Variants in DLGAP1 observed in about 807,000 individuals in gnomAD.
The protein encoded by DLGAP1 is DLG associated protein 1.
DLGAP1 carries 11 observed loss-of-function variants against 90.8 expected under a neutral mutation model. The observed-to-expected ratio is 0.12, with a 90% CI of 0.08 to 0.20. DLGAP1 has a LOEUF of 0.20. Ranked by LOEUF, DLGAP1 falls within the 10% of genes least tolerant of loss-of-function variation. The probability of loss-of-function intolerance (pLI) is 1.00; values close to 1 mark genes in which losing one functional copy is unlikely to be tolerated. For missense variants in DLGAP1, 1,050 were observed against 1,333.8 expected (o/e 0.79, Z 3.31); for synonymous variants, 558 against 540.7 (o/e 1.03, Z -0.44).
chr18:3,991,413 C>A (rs4420626), intron 3 of DLGAP1, among the ~76,000 whole-genome samples: 52,313 of 152,062 alleles, frequency 0.34, 9,138 homozygotes, highest in East Asian at 0.5. Context: ...GAGTCCAAAC[C>A]TTATGCTAAT....
intron 1 of DLGAP1, among the ~76,000 whole-genome samples, chr18:4,368,136 T>C (rs2081820926): frequency 6.6e-6 from 1 of 152,186 alleles, no homozygotes; most frequent in African/African-American, 2.4e-5. Flanking sequence ...GTTTTAAGGA[T>C]AGTCAATCAG....
At chr18:4,420,295 T>C (rs1280616373) in intron 1 of DLGAP1, among the ~76,000 whole-genome samples, 1 of 152,162 alleles carries the variant, frequency 6.6e-6, no homozygotes, top group Non-Finnish European at 1.5e-5. Context: ...AGTAAGGATA[T>C]AGAACACCCG....
chr18:4,234,609 C>T (rs28728299), intron 1 of DLGAP1, among the ~76,000 whole-genome samples: 581 of 152,192 alleles, frequency 3.8e-3, no homozygotes, highest in African/African-American at 0.012. Context: ...ATAATACAGG[C>T]CTTTTGTTCT....
chr18:3,998,855 T>C (rs1382572887), intron 3 of DLGAP1, among the ~76,000 whole-genome samples: 3 of 152,182 alleles, frequency 2.0e-5, no homozygotes, highest in Non-Finnish European at 4.4e-5. Context: ...TTTGTCATTA[T>C]GATAACATTC....
intron 2 of DLGAP1, among the ~76,000 whole-genome samples, chr18:4,102,452 A>G (rs1346077498): frequency 4.6e-5 from 7 of 152,194 alleles, no homozygotes; most frequent in Non-Finnish European, 1.0e-4. Flanking sequence ...GCTGAGACAG[A>G]AATGATCTCT....
intron 1 of DLGAP1, among the ~76,000 whole-genome samples, chr18:4,446,863 G>C (rs1285405137): frequency 6.6e-6 from 1 of 152,114 alleles, no homozygotes; most frequent in African/African-American, 2.4e-5. Context: ...AGAAGTAGGA[G>C]AGTGGGGAAC....
chr18:4,173,060 A>T (rs557172356), intron 1 of DLGAP1, among the ~76,000 whole-genome samples: 14 of 152,362 alleles, frequency 9.2e-5, no homozygotes, highest in African/African-American at 2.6e-4. Flanking sequence ...ATTTGAGAGA[A>T]AGATTTACTG....
chr18:3,508,262 A>G (rs966811015), intron 11 of DLGAP1, among the ~76,000 whole-genome samples: 2 of 152,224 alleles, frequency 1.3e-5, no homozygotes, highest in African/African-American at 4.8e-5. Flanking sequence ...TCATATTTTG[A>G]TAAGAACAAT....
chr18:3,577,254 G>A (rs1169807768), intron 8 of DLGAP1, among the ~76,000 whole-genome samples: 4 of 152,126 alleles, frequency 2.6e-5, no homozygotes, highest in Non-Finnish European at 4.4e-5. Flanking sequence ...GTCTGAGCAC[G>A]GGCTACCCCA....
intron 7 of DLGAP1, among the ~76,000 whole-genome samples, chr18:3,583,195 TTCC>T (rs1341170912): frequency 6.8e-6 from 1 of 147,576 alleles, no homozygotes; most frequent in Non-Finnish European, 1.5e-5. Flanking sequence ...CCTTCCTTCC[TTCC>T]TTCCTTCCTT....
At chr18:3,616,104 C>T (rs767594288) in intron 7 of DLGAP1, among the ~76,000 whole-genome samples, 3 of 152,130 alleles carry the variant, frequency 2.0e-5, no homozygotes, top group African/African-American at 4.8e-5. Flanking sequence ...GTAATTTGTA[C>T]GTGGGATTAT....
chr18:4,315,708 T>C (rs983537631), intron 1 of DLGAP1, among the ~76,000 whole-genome samples: 2 of 152,238 alleles, frequency 1.3e-5, no homozygotes, highest in Non-Finnish European at 2.9e-5. Context: ...AGGTATCAGA[T>C]ATTTTAAAGA....
chr18:4,413,826 C>T (rs2082834278), intron 1 of DLGAP1, among the ~76,000 whole-genome samples: 1 of 152,134 alleles, frequency 6.6e-6, no homozygotes, highest in Non-Finnish European at 1.5e-5. Flanking sequence ...TCTGAAAATT[C>T]ATCAAGCTGG....
At chr18:3,506,301 G>T (rs1429553392) in intron 11 of DLGAP1, among the ~76,000 whole-genome samples, 1 of 151,406 alleles carries the variant, frequency 6.6e-6, no homozygotes, top group Admixed American at 6.6e-5. Flanking sequence ...ATCACCTGAG[G>T]TCAGGAGTCC....
chr18:4,405,934 T>C (rs1030295744), intron 1 of DLGAP1, among the ~76,000 whole-genome samples: 1 of 152,160 alleles, frequency 6.6e-6, no homozygotes, highest in Admixed American at 6.5e-5. Context: ...CACAGATCTA[T>C]TGATGTGAAA....
At chr18:4,045,614 C>CA (rs1257886184) in intron 2 of DLGAP1, among the ~76,000 whole-genome samples, 1 of 151,256 alleles carries the variant, frequency 6.6e-6, no homozygotes, top group Non-Finnish European at 1.5e-5. Context: ...AACAAACAAA[C>CA]AAACAAAAAA....
intron 1 of DLGAP1, among the ~76,000 whole-genome samples, chr18:4,187,989 C>T (rs1238523255): frequency 1.3e-5 from 2 of 151,782 alleles, no homozygotes; most frequent in Admixed American, 6.6e-5. Flanking sequence ...CAGAGTGAGA[C>T]CCTGTCTCAA....
chr18:3,578,598 G>A (rs1432690012), intron 8 of DLGAP1, among the ~76,000 whole-genome samples: 1 of 151,416 alleles, frequency 6.6e-6, no homozygotes, highest in African/African-American at 2.4e-5. Flanking sequence ...CTCGTGATCT[G>A]CCCACCTCAG....
chr18:3,674,811 TATCA>T lies in DLGAP1; in HGVS notation c.1591+54320_1591+54323del, dbSNP rs1598302238. On this transcript the variant is annotated intron_variant, in intron 7 of 12. Coordinates refer to ENST00000315677, the MANE Select transcript of DLGAP1 (RefSeq NM_004746.4). ...AATCATCACCCCCATTCACCTCCAC[TATCA>T]GTACCGAGTCCACCACAATCATCAC... 2.4e-5 allele frequency among the ~76,000 whole-genome samples: 3 copies of T among 127,032 alleles called. 1 individual carries two copies. The East Asian group carries it at 7.3e-4, about 31-fold the overall frequency. The allele number at this position is 127,032 out of a possible 152,430, so 83.3% of individuals were successfully genotyped here.
Sources: gnomAD v4.1 joint callset for allele counts (sites outside exome capture counted in the v4.1 genomes callset) on GRCh38, gnomAD v4.1.1 for gene constraint, MANE v1.5 for transcripts, NCBI Gene and HGNC (gene_info 2026-07-23, HGNC 2026-07-21) for gene names.